The following KIF4A variants were observed in gnomAD, a reference collection of about 807,000 sequenced individuals.
KIF4A encodes the protein chromosome-associated kinesin KIF4A.
In KIF4A, 7 loss-of-function variants were observed where a neutral mutation model predicts 105.9. The observed-to-expected ratio is 0.07, with a 90% CI of 0.04 to 0.12. The LOEUF (loss-of-function observed/expected upper bound fraction) is 0.12. Among genes scored for constraint, KIF4A ranks in the 10% least tolerant of loss-of-function variants. The pLI, the probability that KIF4A is intolerant of heterozygous loss-of-function variation, is 1.00. For synonymous variants in KIF4A, 281 were observed against 331.3 expected (o/e 0.85, Z 1.65); for missense variants, 558 against 929.2 (o/e 0.60, Z 5.19).
intron 22 of KIF4A, among the ~76,000 whole-genome samples, chrX:70,400,285 G>T (rs1486789738): frequency 1.9e-5 from 2 of 104,313 alleles, no homozygotes; most frequent in Non-Finnish European, 3.9e-5. Context: ...TGGTTTTTTT[G>T]TTCTTGCGAT....
At chrX:70,312,140 CTT>C (rs527848699) in intron 7 of KIF4A, among the ~76,000 whole-genome samples, 8 of 78,057 alleles carry the variant, frequency 1.0e-4, no homozygotes, top group African/African-American at 3.9e-4. Flanking sequence ...TTTTAAATGT[CTT>C]TTTTTTTTTT....
intron 15 of KIF4A, among the ~76,000 whole-genome samples, chrX:70,370,589 A>T (rs2086127109): frequency 9.1e-6 from 1 of 109,903 alleles, no homozygotes; most frequent in Non-Finnish European, 1.9e-5. Context: ...CAAATAAAGA[A>T]TATATGAATA....
intron 18 of KIF4A, among the ~76,000 whole-genome samples, chrX:70,382,388 G>GCC (rs1411598468): frequency 8.9e-6 from 1 of 112,240 alleles, no homozygotes; most frequent in Non-Finnish European, 1.9e-5. Context: ...CTGAGATCAC[G>GCC]CCCCTGCACT....
Position 70,417,957 on chromosome X carries a change from G to A in KIF4A, c.3325G>A (p.Asp1109Asn). 1.7e-6 allele frequency: 2 copies of A among 1,211,383 alleles called. No individual in the cohort carries two copies. The highest frequency in any genetic ancestry group is 5.9e-5 in the East Asian group (2 of 33,828). ...CRKQKSDCGV[D>N]CCCDPTKCRN... ...GAAGCAAAAGTCAGACTGTGGTGTG[G>A]ACTGTTGCTGTGACCCCACAAAGTG... The change falls in exon 29 of 31, where the codon GAC becomes AAC. Residue 1109 changes from aspartate (D) to asparagine (N), a missense_variant. By Grantham distance (23) the Asp-to-Asn change is conservative (BLOSUM62 1). Around this residue, in one of 2 missense-constraint regions of KIF4A, gnomAD observed 469 missense variants for 680.4 expected, o/e 0.69. Transcript: ENST00000374403.
intron 20 of KIF4A, among the ~76,000 whole-genome samples, chrX:70,387,828 A>G (rs778603116): frequency 8.1e-5 from 9 of 111,790 alleles, no homozygotes; most frequent in African/African-American, 2.6e-4. Flanking sequence ...AGATCGCACC[A>G]TTGCACTCCA....
intron 7 of KIF4A, among the ~76,000 whole-genome samples, chrX:70,306,374 A>T (rs1398960318): frequency 2.7e-5 from 3 of 111,689 alleles, no homozygotes; most frequent in African/African-American, 9.7e-5. Flanking sequence ...TCAACTTGTC[A>T]ATTTCTGCAA....
At chrX:70,395,892 C>A in intron 21 of KIF4A, 57 bp from the exon 22 acceptor site, 2 of 1,187,793 alleles carry the variant, frequency 1.7e-6, no homozygotes, top group Non-Finnish European at 2.3e-6. Flanking sequence ...ATCCTCATAG[C>A]TTTGGAGGAT....
At position 70,420,564 on chromosome X, in the gene KIF4A, G is replaced by C. The variant is rs2086363158; in HGVS notation, c.*299G>C. 3 of 249,650 alleles carry C rather than the reference G, an allele frequency of 1.2e-5. No individual in the cohort carries two copies. The allele number at this position is 249,650 out of a possible 1,213,427, so 20.6% of individuals were successfully genotyped here. ...AGTCTGGTCAAGTTGTTTCTTATTT[G>C]TGAGCAGTTCAGGCTATCTCCTGAT... On this transcript the variant is annotated 3_prime_UTR_variant, in exon 31 of 31. Coordinates refer to ENST00000374403, the MANE Select transcript of KIF4A (RefSeq NM_012310.5).
Position 70,299,163 on chromosome X carries a change from T to A in KIF4A, c.477T>A (p.Ala159=). 1 of 1,207,600 alleles carries A rather than the reference T, an allele frequency of 8.3e-7. No homozygotes were observed. The highest frequency in any genetic ancestry group is 1.8e-5 in the South Asian group (1 of 56,251). Residue 159 remains alanine (A), a synonymous_variant, in exon 5 of 31, where the codon GCT becomes GCA. Transcript: ENST00000374403. The part of the protein sequence containing the change: ...LDLLCPSREK[A]QINIREDPKE... Reference sequence around the variant, plus strand: ...TTCTATGCCCATCTCGTGAGAAAGCTCAAATAAATATACGAGAGGATCCTA... The same window carrying A: ...TTCTATGCCCATCTCGTGAGAAAGCACAAATAAATATACGAGAGGATCCTA...
chrX:70,294,915 T>C (rs971348143), intron 3 of KIF4A, among the ~76,000 whole-genome samples: 1 of 111,431 alleles, frequency 9.0e-6, no homozygotes, highest in Non-Finnish European at 1.9e-5. Context: ...TACCAAAAAA[T>C]ACAAAAAAAT....
At chrX:70,394,205 C>CTT (rs376526687) in intron 20 of KIF4A, among the ~76,000 whole-genome samples, 186 of 97,754 alleles carry the variant, frequency 1.9e-3, no homozygotes, top group Middle Eastern at 0.016. Flanking sequence ...TTGGGTCTAG[C>CTT]TTTTTTTTTT....
At position 70,420,359 on chromosome X, in the gene KIF4A, A is replaced by C; in HGVS notation, c.*94A>C. ...TTTTTAAATGACTTCTCTGGATTTC[A>C]GGTTTCTTGCTGTTGAAAAAAGGAA... On this transcript the variant is annotated 3_prime_UTR_variant, in exon 31 of 31. Transcript: ENST00000374403. 1 of 1,060,609 alleles carries C rather than the reference A, an allele frequency of 9.4e-7. No individual in the cohort carries two copies. Among genetic ancestry groups the C allele is most frequent in the East Asian group, 3.2e-5 (1 of 31,001 alleles). 87.4% of individuals were successfully genotyped at this position (1,060,609 alleles called of 1,213,427 possible). A position where few individuals can be genotyped will look rare whatever the true frequency, so the allele number is the denominator to read the frequency against.
At chrX:70,345,725 A>G (rs1361984687) in intron 13 of KIF4A, among the ~76,000 whole-genome samples, 1 of 111,537 alleles carries the variant, frequency 9.0e-6, no homozygotes, top group Non-Finnish European at 1.9e-5. Context: ...GATAACTGTT[A>G]TTATATTTTG....
intron 7 of KIF4A, among the ~76,000 whole-genome samples, chrX:70,328,729 A>G (rs1602750678): frequency 8.9e-6 from 1 of 111,970 alleles, no homozygotes; most frequent in African/African-American, 3.2e-5. Context: ...CCATTATACT[A>G]TATAGCTTTT....
At chrX:70,330,414 T>C in intron 9 of KIF4A, 82 bp downstream of exon 9, 2 of 928,515 alleles carry the variant, frequency 2.2e-6, no homozygotes, top group Non-Finnish European at 3.0e-6. Context: ...GTTTCTTCTT[T>C]ATCAGAAGTT....
At chrX:70,315,472 C>T (rs1015352926) in intron 7 of KIF4A, among the ~76,000 whole-genome samples, 2 of 111,792 alleles carry the variant, frequency 1.8e-5, no homozygotes, top group Non-Finnish European at 3.8e-5. Context: ...TTTTTAAGTG[C>T]AAATTGTCTG....
At chrX:70,351,126 C>T (rs761272638) in intron 13 of KIF4A, among the ~76,000 whole-genome samples, 1 of 112,416 alleles carries the variant, frequency 8.9e-6, no homozygotes, top group South Asian at 3.7e-4. Context: ...AGCACCATAT[C>T]ATCTGTTCTT....
rs201561396 is a variant in KIF4A at position 70,302,277 on chromosome X, C to T, written c.684-27C>T. ...TACTCTCAAGCTTGTGTACCATTCT[C>T]ACTGTGTCTTCCTTTCATTATCACA... On this transcript the variant is annotated intron_variant, in intron 6 of 30. Coordinates refer to ENST00000374403, the MANE Select transcript of KIF4A (RefSeq NM_012310.5). 5.1e-4 allele frequency: 612 copies of T among 1,197,350 alleles called. 2 individuals are homozygous for T. In the African/African-American group the frequency reaches 9.3e-3, roughly 18 times the overall value.
At chrX:70,346,977 G>T (rs183104203) in intron 13 of KIF4A, among the ~76,000 whole-genome samples, 1 of 111,921 alleles carries the variant, frequency 8.9e-6, no homozygotes, top group Non-Finnish European at 1.9e-5. Flanking sequence ...ATTGTTCCTA[G>T]ATATTCTTCC....
Sources: gnomAD v4.1 joint callset for allele counts (sites outside exome capture counted in the v4.1 genomes callset) on GRCh38, gnomAD v4.1.1 for gene constraint, gnomAD v4.1.1 regional missense constraint, MANE v1.5 for transcripts, NCBI Gene and HGNC (gene_info 2026-07-23, HGNC 2026-07-21) for gene names.